KPNA4: variants seen among roughly 807,000 people sequenced by gnomAD.
The protein encoded by KPNA4 is karyopherin subunit alpha 4.
A neutral mutation model predicts 71.3 loss-of-function variants in KPNA4; 13 were observed. The ratio of observed to expected loss-of-function variants is 0.18; its 90% CI spans 0.12 to 0.29. The LOEUF (loss-of-function observed/expected upper bound fraction) is 0.29, where lower values mean the gene tolerates loss of function less well. KPNA4 is among the 10% of genes least tolerant of loss of function. KPNA4 has a pLI of 1.00. For missense variants in KPNA4, 334 were observed against 603.2 expected (o/e 0.55, Z 4.67); for synonymous variants, 189 against 195.2 (o/e 0.97, Z 0.26).
Position 160,495,525 on chromosome 3 carries a change from A to AAGG in KPNA4, c.*6578_*6579insCCT, listed in dbSNP as rs1158414842. On this transcript the variant is annotated 3_prime_UTR_variant, in exon 17 of 17. Coordinates refer to ENST00000334256, the MANE Select transcript of KPNA4 (RefSeq NM_002268.5). ...AGATCATCCTAAACTGGTTAAAAGGAAGATTTTAAAAACTAGCTTGTCTAT... is the reference window on the plus strand; with the variant it reads ...AGATCATCCTAAACTGGTTAAAAGGAAGGAGATTTTAAAAACTAGCTTGTCTAT... 6.6e-6 allele frequency: 1 copy of AAGG among 151,686 alleles called. No homozygotes were observed. The highest frequency in any genetic ancestry group is 1.5e-5 in the Non-Finnish European group (1 of 67,910). The allele number at this position is 151,686 out of a possible 1,614,324, so 9.4% of individuals were successfully genotyped here. A position where few individuals can be genotyped will look rare whatever the true frequency, so the allele number is the denominator to read the frequency against.
intron 1 of KPNA4, among the ~76,000 whole-genome samples, chr3:160,556,126 G>A (rs1213591631): frequency 2.6e-5 from 4 of 152,196 alleles, no homozygotes; most frequent in East Asian, 1.9e-4. Flanking sequence ...GAGCCACTGC[G>A]CCCAGCCAAG....
intron 5 of KPNA4, among the ~76,000 whole-genome samples, chr3:160,533,197 T>A (rs1433532112): frequency 6.6e-6 from 1 of 152,112 alleles, no homozygotes; most frequent in Non-Finnish European, 1.5e-5. Flanking sequence ...CCAACTTTTA[T>A]ATTTTTAGTA....
chr3:160,507,477 G>A (rs930497243), intron 15 of KPNA4, among the ~76,000 whole-genome samples: 4 of 138,300 alleles, frequency 2.9e-5, no homozygotes, highest in Non-Finnish European at 6.0e-5. Flanking sequence ...TCCAGCCTGG[G>A]CAACAGAGCA....
At chr3:160,548,223 T>G (rs114526172) in intron 1 of KPNA4, among the ~76,000 whole-genome samples, 2,203 of 152,206 alleles carry the variant, frequency 0.014, 32 homozygotes, top group African/African-American at 0.031. Flanking sequence ...TTTGTTGTTG[T>G]TGGTGGTGGT....
chr3:160,543,041 T>A (rs1000730538), intron 1 of KPNA4, among the ~76,000 whole-genome samples: 2 of 152,114 alleles, frequency 1.3e-5, no homozygotes, highest in African/African-American at 4.8e-5. Flanking sequence ...TAAAAAGTTA[T>A]ACATGTCTAT....
chr3:160,517,560 G>C (rs898636804), intron 11 of KPNA4, among the ~76,000 whole-genome samples: 2 of 152,012 alleles, frequency 1.3e-5, no homozygotes, highest in Non-Finnish European at 2.9e-5. Context: ...CAAAGCGGCT[G>C]TACCATTTTA....
intron 1 of KPNA4, among the ~76,000 whole-genome samples, chr3:160,553,976 G>A (rs549460897): frequency 1.3e-5 from 2 of 152,296 alleles, no homozygotes; most frequent in South Asian, 4.1e-4. Flanking sequence ...CTATTAGAAT[G>A]TAAACTTCAT....
intron 1 of KPNA4, among the ~76,000 whole-genome samples, chr3:160,540,300 G>A (rs1045743754): frequency 4.6e-5 from 7 of 152,066 alleles, no homozygotes; most frequent in Middle Eastern, 6.8e-3. Context: ...CGCCTGACCC[G>A]AAAGATTTTC....
intron 1 of KPNA4, among the ~76,000 whole-genome samples, chr3:160,561,124 G>A (rs1241089353): frequency 6.6e-6 from 1 of 151,886 alleles, no homozygotes; most frequent in Non-Finnish European, 1.5e-5. Context: ...TTCTAATTAT[G>A]TAGCATTTTA....
At chr3:160,539,449 T>TA (rs1721753728) in intron 1 of KPNA4, among the ~76,000 whole-genome samples, 1 of 152,228 alleles carries the variant, frequency 6.6e-6, no homozygotes, top group African/African-American at 2.4e-5. Flanking sequence ...TTAGAGAAGT[T>TA]AGATTGTTTG....
rs1422500978 is a variant in KPNA4, at chr3:160,550,736, G to A, written c.70-13896C>T. On this transcript the variant is annotated intron_variant, in intron 1 of 16. Transcript: ENST00000334256. ...GGGCACTGAATTTTGTCAAAGTCTGGTACTGAACTTTTCCTCCATCAACTG... is the reference window on the plus strand; with the variant it reads ...GGGCACTGAATTTTGTCAAAGTCTGATACTGAACTTTTCCTCCATCAACTG... Among the ~76,000 whole-genome samples, 7 of 152,126 alleles carry A rather than the reference G, an allele frequency of 4.6e-5. No homozygotes were observed. The East Asian group carries it at 1.2e-3, about 25-fold the overall frequency.
At chr3:160,523,288 C>T (rs1253767792) in intron 10 of KPNA4, among the ~76,000 whole-genome samples, 5 of 151,370 alleles carry the variant, frequency 3.3e-5, no homozygotes, top group African/African-American at 9.7e-5. Flanking sequence ...CTGGGCAACA[C>T]GGTGAAACCC....
intron 2 of KPNA4, among the ~76,000 whole-genome samples, chr3:160,536,151 CA>C (rs1721689193): frequency 6.6e-6 from 1 of 151,832 alleles, no homozygotes; most frequent in South Asian, 2.1e-4. Context: ...ACAAACAAAA[CA>C]AAACAAAAAC....
At chr3:160,534,522 A>G (rs1721641794) in intron 5 of KPNA4, among the ~76,000 whole-genome samples, 1 of 151,614 alleles carries the variant, frequency 6.6e-6, no homozygotes, top group Non-Finnish European at 1.5e-5. Flanking sequence ...GTTCAAGACC[A>G]GCCTGGCCAA....
chr3:160,565,540 T>G lies in KPNA4; in HGVS notation c.-258A>C. 1.9e-6 allele frequency: 1 copy of G among 533,824 alleles called. No homozygotes were observed. Among genetic ancestry groups the G allele is most frequent in the Non-Finnish European group, 3.3e-6 (1 of 304,668 alleles). 33.1% of individuals were successfully genotyped at this position (533,824 alleles called of 1,614,324 possible). ...GCGGCGGCAAGGCGACGGAATGTGC[T>G]GCCGGCTGAGAGGGGGAGGCAGCCT... On this transcript the variant is annotated 5_prime_UTR_variant, in exon 1 of 17. Coordinates refer to ENST00000334256, the MANE Select transcript of KPNA4 (RefSeq NM_002268.5).
intron 2 of KPNA4, among the ~76,000 whole-genome samples, chr3:160,536,261 T>C (rs1721691396): frequency 6.6e-6 from 1 of 152,086 alleles, no homozygotes; most frequent in Admixed American, 6.6e-5. Flanking sequence ...ATCTGGGAGC[T>C]CCTCTTTACC....
At chr3:160,560,009 T>TTA (rs1208761818) in intron 1 of KPNA4, among the ~76,000 whole-genome samples, 1 of 152,146 alleles carries the variant, frequency 6.6e-6, no homozygotes, top group African/African-American at 2.4e-5. Flanking sequence ...CAAACTGTGT[T>TTA]TTCTAGTGTT....
chr3:160,504,438 C>T (rs768080901), intron 16 of KPNA4, among the ~76,000 whole-genome samples: 44 of 152,140 alleles, frequency 2.9e-4, no homozygotes, highest in Non-Finnish European at 4.4e-4. Context: ...TAAGTTAATA[C>T]TTTAATTTCC....
rs1720818047 is a variant in KPNA4 at position 160,498,741 on chromosome 3, T to A, written c.*3363A>T. The A allele has an allele frequency of 6.6e-6, 1 of 152,222 alleles. No individual in the cohort carries two copies. Among genetic ancestry groups the A allele is most frequent in the Non-Finnish European group, 1.5e-5 (1 of 68,038 alleles). The allele number at this position is 152,222 out of a possible 1,614,324, so 9.4% of individuals were successfully genotyped here. Reference sequence around the variant, plus strand: ...TAAAAGAGGACCCCCTAGCTTCAGATAAGACTGCAGCTCTGGCTGACACCT... The same window carrying A: ...TAAAAGAGGACCCCCTAGCTTCAGAAAAGACTGCAGCTCTGGCTGACACCT... On this transcript the variant is annotated 3_prime_UTR_variant, in exon 17 of 17. Coordinates refer to ENST00000334256, the MANE Select transcript of KPNA4 (RefSeq NM_002268.5).
Sources: allele counts gnomAD v4.1 joint callset (sites outside exome capture counted in the v4.1 genomes callset), GRCh38; gene constraint gnomAD v4.1.1; transcripts MANE v1.5; gene names NCBI Gene and HGNC (gene_info 2026-07-23, HGNC 2026-07-21).